Variants in COL18A1 observed in about 807,000 individuals in gnomAD.
COL18A1 encodes collagen alpha-1(XVIII) chain.
COL18A1 carries 133 observed loss-of-function variants against 168.0 expected under a neutral mutation model. That is an observed-to-expected ratio of 0.79 (90% CI 0.69 to 0.91). COL18A1 has a LOEUF of 0.91. Ranked by LOEUF, COL18A1 falls within the 40% of genes least tolerant of loss-of-function variation. The pLI, the probability that COL18A1 is intolerant of heterozygous loss-of-function variation, is 0.00. For missense variants in COL18A1, 2,126 were observed against 1,925.4 expected, an observed-to-expected ratio of 1.10 and a Z score of -1.95; for synonymous variants, 949 against 809.0, an observed-to-expected ratio of 1.17 and a Z score of -2.94.
chr21:45,427,177 G>A (rs1445598077), intron 2 of COL18A1, among the ~76,000 whole-genome samples: 1 of 152,172 alleles, frequency 6.6e-6, no homozygotes, highest in Admixed American at 6.5e-5. Context: ...CACGCTGGGG[G>A]CTGGGCCCAG....
rs2037674300 is a variant in COL18A1, at chr21:45,512,563, AGT to A, written c.*168_*169del. ...CTCAAGAAATAAAAGGAAGCCAAAGAGTGTATTTTTTTAAAAGTTTAAAACAG... is the reference window on the plus strand; with the variant it reads ...CTCAAGAAATAAAAGGAAGCCAAAGAGTATTTTTTTAAAAGTTTAAAACAG... On this transcript the variant is annotated 3_prime_UTR_variant, in exon 42 of 42. Coordinates refer to ENST00000651438, the MANE Select transcript of COL18A1 (RefSeq NM_001379500.1). 2 of 687,068 alleles carry A rather than the reference AGT, an allele frequency of 2.9e-6. No individual in the cohort carries two copies. Among genetic ancestry groups the A allele is most frequent in the Admixed American group, 2.8e-5 (1 of 36,050 alleles). 42.6% of individuals were successfully genotyped at this position (687,068 alleles called of 1,614,324 possible). A position where few individuals can be genotyped will look rare whatever the true frequency, so the allele number is the denominator to read the frequency against.
Position 45,423,158 on chromosome 21 carries a change from A to G in COL18A1, c.106+17685A>G, listed in dbSNP as rs574415905. 6.6e-5 allele frequency among the ~76,000 whole-genome samples: 10 copies of G among 152,108 alleles called. No individual in the cohort carries two copies. In the South Asian group the frequency reaches 2.1e-3, roughly 32 times the overall value. Reference sequence around the variant, plus strand: ...CACTTTTGACCACTTCTCCTTCTCCATAGGGCAAATCAAGCTTGGAAATGG... The same window carrying G: ...CACTTTTGACCACTTCTCCTTCTCCGTAGGGCAAATCAAGCTTGGAAATGG... On this transcript the variant is annotated intron_variant, in intron 2 of 41. Coordinates refer to ENST00000651438, the MANE Select transcript of COL18A1 (RefSeq NM_001379500.1). The surrounding 1 kb of genome is among the most constrained non-coding windows in gnomAD (Gnocchi z 4.0).
At chr21:45,501,698 C>G (rs13049939) in intron 32 of COL18A1, among the ~76,000 whole-genome samples, 36 of 133,774 alleles carry the variant, frequency 2.7e-4, no homozygotes, top group African/African-American at 9.2e-4. Context: ...CCCAGGGGCT[C>G]CACAGCCGGT....
intron 2 of COL18A1, among the ~76,000 whole-genome samples, chr21:45,427,821 A>T (rs1788371888): frequency 2.0e-5 from 3 of 152,164 alleles, no homozygotes; most frequent in African/African-American, 4.8e-5. Flanking sequence ...AACCAGCGGA[A>T]GGGGGGCGAG....
At chr21:45,429,814 A>G (rs975929041) in intron 2 of COL18A1, among the ~76,000 whole-genome samples, 1 of 151,994 alleles carries the variant, frequency 6.6e-6, no homozygotes, top group Non-Finnish European at 1.5e-5. Flanking sequence ...GGCTCCCCCA[A>G]CCAAGCCTGC....
chr21:45,488,728 C>G (rs2036199684), intron 18 of COL18A1, among the ~76,000 whole-genome samples: 1 of 152,138 alleles, frequency 6.6e-6, no homozygotes, highest in Non-Finnish European at 1.5e-5. Context: ...TATTCTCAGA[C>G]TTGGGCCGAA....
At chr21:45,506,102 C>G in intron 37 of COL18A1, 136 bp downstream of exon 37, 1 of 1,380,188 alleles carries the variant, frequency 7.2e-7, no homozygotes, top group Non-Finnish European at 1.0e-6. Context: ...AACTTTCAAA[C>G]TTTTGGTAAA....
At chr21:45,432,249 GCTGGGC>G (rs990193652) in intron 2 of COL18A1, among the ~76,000 whole-genome samples, 2 of 147,418 alleles carry the variant, frequency 1.4e-5, no homozygotes, top group African/African-American at 5.2e-5. Context: ...TGGGGCTGGG[GCTGGGC>G]TGGCGGAGGT....
At position 45,509,400 on chromosome 21, in the gene COL18A1, C is replaced by CGACAGCAACCCCTA; in HGVS notation, c.3295_3308dup (p.Tyr1103Ter). The CGACAGCAACCCCTA allele has an allele frequency of 6.5e-7, 1 of 1,542,764 alleles. No individual in the cohort carries two copies. The highest frequency in any genetic ancestry group is 8.7e-7 in the Non-Finnish European group (1 of 1,144,824). ...TGCAGCCCCCCGTGGTGCAGCTGCA[C>CGACAGCAACCCCTA]GACAGCAACCCCTACCCGCGGCGGG... On this transcript the variant is annotated frameshift_variant, in exon 39 of 42. Transcript: ENST00000651438. LOFTEE classifies it high-confidence loss of function.
chr21:45,486,923 C>A lies in COL18A1; in HGVS notation c.1764C>A (p.Pro588=), dbSNP rs772875983. 1 of 1,511,790 alleles carries A rather than the reference C, an allele frequency of 6.6e-7. No individual in the cohort carries two copies. Among genetic ancestry groups the A allele is most frequent in the Admixed American group, 2.2e-5 (1 of 45,430 alleles). The allele number at this position is 1,511,790 out of a possible 1,614,324, so 93.6% of individuals were successfully genotyped here. The part of the protein sequence containing the change: ...ARGESGLAGA[P]GPAGPPGPPG... ...GGGAGAGCGGCCTGGCAGGAGCCCC[C>A]GGACCTGCTGGACCACCAGGCCCCC... The change falls in exon 16 of 42, where the codon CCC becomes CCA. Residue 588 remains proline (P), a synonymous_variant. Coordinates refer to ENST00000651438, the MANE Select transcript of COL18A1 (RefSeq NM_001379500.1).
At chr21:45,417,941 G>A (rs1043963552) in intron 2 of COL18A1, among the ~76,000 whole-genome samples, 5 of 152,236 alleles carry the variant, frequency 3.3e-5, no homozygotes, top group African/African-American at 9.6e-5. Flanking sequence ...CTGTGTCTCC[G>A]GCCTCTTCCA....
intron 2 of COL18A1, among the ~76,000 whole-genome samples, chr21:45,412,652 A>G (rs2033333348): frequency 6.6e-6 from 1 of 152,202 alleles, no homozygotes. Flanking sequence ...GCCCAGGCAC[A>G]CAGACAATGG....
rs894370923 is a variant in COL18A1, at chr21:45,443,223, G to A, written c.107-25019G>A. 1.3e-5 allele frequency among the ~76,000 whole-genome samples: 2 copies of A among 152,054 alleles called. No homozygotes were observed. Among genetic ancestry groups the A allele is most frequent in the African/African-American group, 2.4e-5 (1 of 41,368 alleles). ...GCATCCAGCACAGGTCCTGGTGCCTGGGAGGTGCTTACCCCATGGCCCCAA... is the reference window on the plus strand; with the variant it reads ...GCATCCAGCACAGGTCCTGGTGCCTAGGAGGTGCTTACCCCATGGCCCCAA... On this transcript the variant is annotated intron_variant, in intron 2 of 41. Coordinates refer to ENST00000651438, the MANE Select transcript of COL18A1 (RefSeq NM_001379500.1). This position sits in a 1 kb window ranked among gnomAD's most constrained non-coding sequence, Gnocchi z 5.2.
intron 2 of COL18A1, among the ~76,000 whole-genome samples, chr21:45,429,777 C>T (rs1287279587): frequency 6.6e-6 from 1 of 152,208 alleles, no homozygotes; most frequent in East Asian, 1.9e-4. Flanking sequence ...CTCCCCACCT[C>T]CTCTGGGCCC....
chr21:45,414,235 G>T (rs1328360649), intron 2 of COL18A1, among the ~76,000 whole-genome samples: 2 of 152,184 alleles, frequency 1.3e-5, no homozygotes. Context: ...GGCAGGCAGT[G>T]TTGCTGCTGA....
intron 5 of COL18A1, 151 bp downstream of exon 5, chr21:45,475,686 G>T: frequency 1.3e-6 from 1 of 756,722 alleles, no homozygotes; most frequent in Non-Finnish European, 2.2e-6. Context: ...AGGGATGCTG[G>T]GCTGGGCAGA....
In COL18A1 at chr21:45,468,327, C is replaced by T. The variant is rs551067516; in HGVS notation, c.192C>T (p.Val64=). 1.3e-5 allele frequency: 21 copies of T among 1,613,454 alleles called. No individual in the cohort carries two copies. The highest frequency in any genetic ancestry group is 1.1e-4 in the African/African-American group (8 of 75,076). ...QQVTQTDDPD[V]GLAYVFGPDA... is the part of the protein sequence containing the mutation. ...TCACCCAGACGGATGACCCCGACGT[C>T]GGGCTGGCCTACGTCTTTGGGCCAG... Residue 64 remains valine (V), a synonymous_variant, in exon 3 of 42, where the codon GTC becomes GTT. Transcript: ENST00000651438.
At chr21:45,492,871 C>T (rs553872640) in intron 24 of COL18A1, among the ~76,000 whole-genome samples, 158 bp downstream of exon 24, 3 of 152,240 alleles carry the variant, frequency 2.0e-5, no homozygotes, top group East Asian at 1.9e-4. Context: ...GGGATGTGGG[C>T]GAGAGCCGCT....
rs557188829 is a variant in COL18A1, at chr21:45,490,910, G to A, written c.2067+39G>A. 1.1e-4 allele frequency: 168 copies of A among 1,535,882 alleles called. 1 individual carries two copies. The East Asian group carries it at 3.5e-3, about 32-fold the overall frequency. The stretch of plus-strand genomic sequence containing the variant: ...GGGCGGGTGGATGGGGATGGGGGGC[G>A]CTGGGACATCCCAGAAGGTTTGGCC... On this transcript the variant is annotated intron_variant, in intron 21 of 41. Transcript: ENST00000651438.
Sources: gnomAD v4.1 joint callset for allele counts (sites outside exome capture counted in the v4.1 genomes callset) on GRCh38, gnomAD v4.1.1 for gene constraint, Gnocchi (gnomAD v3.1) non-coding constraint, MANE v1.5 for transcripts, NCBI Gene and HGNC (gene_info 2026-07-23, HGNC 2026-07-21) for gene names.